KCNIP4: variants seen among roughly 807,000 people sequenced by gnomAD.
KCNIP4 encodes the protein Kv channel-interacting protein 4.
In KCNIP4, 12 loss-of-function variants were observed where a neutral mutation model predicts 34.0. That is an observed-to-expected ratio of 0.35 (90% CI 0.23 to 0.57). The LOEUF (loss-of-function observed/expected upper bound fraction) is 0.57. Among genes scored for constraint, KCNIP4 ranks in the 20% least tolerant of loss-of-function variants. The pLI, the probability that KCNIP4 is intolerant of heterozygous loss-of-function variation, is 0.83. For synonymous variants in KCNIP4, 124 were observed against 102.2 expected (o/e 1.21, Z -1.29); for missense variants, 238 against 311.7 (o/e 0.76, Z 1.78).
intron 1 of KCNIP4, among the ~76,000 whole-genome samples, chr4:20,973,093 T>G (rs1475839718): frequency 6.6e-6 from 1 of 152,198 alleles, no homozygotes; most frequent in Non-Finnish European, 1.5e-5. Context: ...AGAGTCAGCG[T>G]GTCCTTTGAA....
chr4:21,389,624 C>T (rs1722357390), intron 1 of KCNIP4, among the ~76,000 whole-genome samples: 2 of 151,878 alleles, frequency 1.3e-5, no homozygotes, highest in South Asian at 4.2e-4. Flanking sequence ...CTACAAAGGC[C>T]ATGAACTCAT....
chr4:21,830,901 G>A (rs360689), intron 1 of KCNIP4, among the ~76,000 whole-genome samples: 148,868 of 152,250 alleles, frequency 0.98, 72,875 homozygotes, highest in East Asian at 1. Flanking sequence ...CAGATCATAT[G>A]TTACGTCCCA....
At chr4:21,093,576 A>G (rs1747186240) in intron 1 of KCNIP4, among the ~76,000 whole-genome samples, 1 of 152,178 alleles carries the variant, frequency 6.6e-6, no homozygotes, top group Non-Finnish European at 1.5e-5. Flanking sequence ...TTGAGAACTC[A>G]GTTATTTGGC....
rs76631167 is a variant in KCNIP4 at position 21,292,201 on chromosome 4, A to T, written c.62-409492T>A. On this transcript the variant is annotated intron_variant, in intron 1 of 8. Transcript: ENST00000382152. ...TACAAATTATTTGGATCGATAGTAC[A>T]AAATTGCAGTCAAACCACTAGGAAA... 5.7e-3 allele frequency among the ~76,000 whole-genome samples: 873 copies of T among 152,308 alleles called. 5 individuals are homozygous for T. Among genetic ancestry groups the T allele is most frequent in the Non-Finnish European group, 0.011 (715 of 68,028 alleles).
At chr4:21,366,384 G>A (rs1719768576) in intron 1 of KCNIP4, among the ~76,000 whole-genome samples, 5 of 152,152 alleles carry the variant, frequency 3.3e-5, no homozygotes, top group Admixed American at 3.3e-4. Context: ...TTCCTCATAT[G>A]GAAATCTTTG....
intron 1 of KCNIP4, among the ~76,000 whole-genome samples, chr4:21,639,795 T>C (rs942595630): frequency 6.6e-6 from 1 of 152,194 alleles, no homozygotes; most frequent in Non-Finnish European, 1.5e-5. Context: ...TTGCTGAGTA[T>C]GTCTATTCTA....
chr4:21,400,997 C>T (rs571081858), intron 1 of KCNIP4, among the ~76,000 whole-genome samples: 80 of 152,170 alleles, frequency 5.3e-4, no homozygotes, highest in Non-Finnish European at 9.3e-4. Flanking sequence ...CCCGTCTCTA[C>T]TAAAAATACA....
At chr4:21,418,446 G>A (rs577114956) in intron 1 of KCNIP4, among the ~76,000 whole-genome samples, 7 of 152,206 alleles carry the variant, frequency 4.6e-5, no homozygotes, top group South Asian at 4.1e-4. Context: ...GCAGTGAGCC[G>A]TGATTGTGCC....
intron 1 of KCNIP4, among the ~76,000 whole-genome samples, chr4:20,984,886 A>G (rs907048640): frequency 6.6e-6 from 1 of 152,024 alleles, no homozygotes; most frequent in Non-Finnish European, 1.5e-5. Flanking sequence ...AACCACGCTC[A>G]TCAGAGGAGC....
At chr4:20,876,689 C>G (rs1724077799) in intron 2 of KCNIP4, among the ~76,000 whole-genome samples, 1 of 152,234 alleles carries the variant, frequency 6.6e-6, no homozygotes, top group East Asian at 1.9e-4. Flanking sequence ...ATTCTCCTGC[C>G]TCAGCCTTCC....
At chr4:21,088,016 G>T (rs6820317) in intron 1 of KCNIP4, among the ~76,000 whole-genome samples, 77,562 of 151,716 alleles carry the variant, frequency 0.51, 21,449 homozygotes, top group African/African-American at 0.75. Flanking sequence ...AATGTTCATC[G>T]CCTGGACAGA....
At chr4:21,245,920 G>A (rs1431847771) in intron 1 of KCNIP4, among the ~76,000 whole-genome samples, 2 of 152,190 alleles carry the variant, frequency 1.3e-5, no homozygotes, top group African/African-American at 4.8e-5. Context: ...GACAAGGATA[G>A]TCTTTAGAGA....
rs765778050 is a variant in KCNIP4 at position 21,929,600 on chromosome 4, GC to G, written c.61+18970del. Among the ~76,000 whole-genome samples the G allele has an allele frequency of 1.6e-3, 237 of 152,054 alleles. 1 individual carries two copies. The highest frequency in any genetic ancestry group is 5.8e-4 in the East Asian group (3 of 5,158). ...CTATAAACATGCCCAAACTTTTCCT[GC>G]TAAACAAAATGAACCCGCCAGTAGT... On this transcript the variant is annotated intron_variant, in intron 1 of 8. Coordinates refer to ENST00000382152, the MANE Select transcript of KCNIP4 (RefSeq NM_025221.6).
chr4:20,761,974 A>G (rs1172708478), intron 3 of KCNIP4, among the ~76,000 whole-genome samples: 1 of 152,206 alleles, frequency 6.6e-6, no homozygotes, highest in East Asian at 1.9e-4. Context: ...ACAATAAACC[A>G]GTCAAAGGTC....
At chr4:21,298,195 C>G (rs1356814351) in intron 1 of KCNIP4, among the ~76,000 whole-genome samples, 4 of 152,092 alleles carry the variant, frequency 2.6e-5, no homozygotes, top group Non-Finnish European at 5.9e-5. Flanking sequence ...AAGCTTTCTT[C>G]CCTCCCTTGT....
chr4:20,852,069 G>A (rs1475330661), intron 2 of KCNIP4, among the ~76,000 whole-genome samples: 1 of 151,958 alleles, frequency 6.6e-6, no homozygotes, highest in African/African-American at 2.4e-5. Flanking sequence ...CAGAATGGAA[G>A]GACATCTGAA....
At chr4:20,842,284 A>G (rs960831910) in intron 3 of KCNIP4, among the ~76,000 whole-genome samples, 10 of 152,160 alleles carry the variant, frequency 6.6e-5, no homozygotes, top group South Asian at 2.1e-4. Flanking sequence ...CCTGATGAAG[A>G]AGGGAATTGT....
At chr4:21,242,880 C>CTGTGTG (rs56347755) in intron 1 of KCNIP4, among the ~76,000 whole-genome samples, 3 of 149,282 alleles carry the variant, frequency 2.0e-5, no homozygotes, top group East Asian at 4.1e-4. Flanking sequence ...GTGTGTGTAT[C>CTGTGTG]TGTGTGTGTG....
intron 1 of KCNIP4, among the ~76,000 whole-genome samples, chr4:21,882,524 A>G (rs1726515683): frequency 6.6e-6 from 1 of 152,146 alleles, no homozygotes; most frequent in African/African-American, 2.4e-5. Context: ...AGAAAAGGAG[A>G]AGAATTTCTG....
Sources: allele counts gnomAD v4.1 joint callset (sites outside exome capture counted in the v4.1 genomes callset), GRCh38; gene constraint gnomAD v4.1.1; transcripts MANE v1.5; gene names NCBI Gene and HGNC (gene_info 2026-07-23, HGNC 2026-07-21).